The following TRPM3 variants were observed in gnomAD, a reference collection of about 807,000 sequenced individuals.
TRPM3 encodes the protein long transient receptor potential channel 3.
TRPM3 carries 77 observed loss-of-function variants against 181.2 expected under a neutral mutation model. That is an observed-to-expected ratio of 0.42 (90% CI 0.35 to 0.51). The LOEUF is 0.51. TRPM3 is among the 20% of genes least tolerant of loss of function. The probability of loss-of-function intolerance (pLI) is 0.01; values close to 1 mark genes in which losing one functional copy is unlikely to be tolerated. For missense variants in TRPM3, 1,759 were observed against 2,196.7 expected, an observed-to-expected ratio of 0.80 and a Z score of 3.98; for synonymous variants, 745 against 796.4, an observed-to-expected ratio of 0.94 and a Z score of 1.09.
At position 71,341,331 on chromosome 9, in the gene TRPM3, T is replaced by C. The variant is rs796552961; in HGVS notation, c.183+105322A>G. On this transcript the variant is annotated intron_variant, in intron 1 of 24. Transcript: ENST00000357533. ...TTACAACAGGAAAAAAGTAACTTCA[T>C]GGTGAGGAAATCTGGCAGATGCCAC... is the stretch of plus-strand genomic sequence containing the variant. Among the ~76,000 whole-genome samples the C allele has an allele frequency of 7.9e-4, 121 of 152,232 alleles. 1 individual carries two copies. The highest frequency in any genetic ancestry group is 2.9e-3 in the African/African-American group (119 of 41,550).
chr9:71,069,022 G>A (rs780897117), intron 1 of TRPM3, among the ~76,000 whole-genome samples: 4 of 152,174 alleles, frequency 2.6e-5, no homozygotes, highest in Non-Finnish European at 5.9e-5. Flanking sequence ...TTTCAGGGTA[G>A]TTGAAGATTT....
At chr9:71,296,030 G>GGT (rs1296651898) in intron 1 of TRPM3, among the ~76,000 whole-genome samples, 1 of 151,974 alleles carries the variant, frequency 6.6e-6, no homozygotes, top group Non-Finnish European at 1.5e-5. Context: ...AAGCCTTAGA[G>GGT]GTGTATAGGA....
chr9:71,392,970 A>G (rs1229197311), intron 1 of TRPM3, among the ~76,000 whole-genome samples: 1 of 152,176 alleles, frequency 6.6e-6, no homozygotes, highest in African/African-American at 2.4e-5. Flanking sequence ...GTAAACAAGA[A>G]ATCTAAGTCA....
chr9:71,287,888 T>C (rs760827056), intron 1 of TRPM3, among the ~76,000 whole-genome samples: 15 of 152,038 alleles, frequency 9.9e-5, no homozygotes, highest in Non-Finnish European at 2.2e-4. Context: ...AAAATTGAGG[T>C]AGCAATTCTT....
intron 1 of TRPM3, among the ~76,000 whole-genome samples, chr9:71,316,332 C>T (rs2132435005): frequency 6.6e-6 from 1 of 152,256 alleles, no homozygotes; most frequent in East Asian, 1.9e-4. Context: ...TACTCCCTAA[C>T]TGTTCTAGTA....
At chr9:71,431,870 T>C (rs1357378486) in intron 1 of TRPM3, among the ~76,000 whole-genome samples, 1 of 152,222 alleles carries the variant, frequency 6.6e-6, no homozygotes, top group East Asian at 1.9e-4. Context: ...CTGTCCAGGA[T>C]ATGAAACACC....
intron 1 of TRPM3, among the ~76,000 whole-genome samples, chr9:71,405,773 C>G (rs1396209696): frequency 6.6e-6 from 1 of 152,154 alleles, no homozygotes; most frequent in African/African-American, 2.4e-5. Context: ...CCAGGGCTTC[C>G]TCAAAGAGCA....
chr9:70,535,726 C>A lies in TRPM3; in HGVS notation c.*227G>T. ...CCCTCTCTTCCCCCTCCCTGCCCAG[C>A]AAGTGTGAACATGCCTTAAATCCCC... On this transcript the variant is annotated 3_prime_UTR_variant, in exon 26 of 26. Coordinates refer to ENST00000677713, the MANE Select transcript of TRPM3 (RefSeq NM_001366145.2). 6.9e-7 allele frequency: 1 copy of A among 1,439,354 alleles called. No homozygotes were observed. The highest frequency in any genetic ancestry group is 1.4e-5 in the African/African-American group (1 of 69,980). The allele number at this position is 1,439,354 out of a possible 1,614,324, so 89.2% of individuals were successfully genotyped here.
At chr9:71,357,836 T>C in intron 1 of TRPM3, among the ~76,000 whole-genome samples, 1 of 152,118 alleles carries the variant, frequency 6.6e-6, no homozygotes, top group East Asian at 1.9e-4. Flanking sequence ...TCCAAAGCTT[T>C]TCCTATGAAT....
intron 1 of TRPM3, among the ~76,000 whole-genome samples, chr9:71,351,553 ATCAT>A (rs907033072): frequency 6.6e-6 from 1 of 152,222 alleles, no homozygotes; most frequent in African/African-American, 2.4e-5. Flanking sequence ...GAATAAATAA[ATCAT>A]TGTCTTTTTA....
At chr9:71,168,609 A>T (rs1245387225) in intron 1 of TRPM3, among the ~76,000 whole-genome samples, 84 of 42,060 alleles carry the variant, frequency 2.0e-3, no homozygotes, top group Admixed American at 3.5e-3. Context: ...ATTTTTATTT[A>T]TTTTTTTATT....
At chr9:70,950,354 A>C (rs996988751) in intron 1 of TRPM3, among the ~76,000 whole-genome samples, 4 of 152,202 alleles carry the variant, frequency 2.6e-5, no homozygotes, top group Non-Finnish European at 5.9e-5. Context: ...TTATTTTTCA[A>C]GTGGCCATAA....
intron 1 of TRPM3, among the ~76,000 whole-genome samples, chr9:71,177,128 G>A: frequency 6.6e-6 from 1 of 152,100 alleles, no homozygotes; most frequent in East Asian, 1.9e-4. Flanking sequence ...GTGCATGCGA[G>A]GGATCTAGAT....
chr9:71,156,842 G>C (rs1296105353), intron 1 of TRPM3, among the ~76,000 whole-genome samples: 2 of 151,984 alleles, frequency 1.3e-5, no homozygotes, highest in Non-Finnish European at 2.9e-5. Flanking sequence ...TTCCAAATTG[G>C]TTTGCAAAGG....
intron 6 of TRPM3, among the ~76,000 whole-genome samples, chr9:70,790,462 C>T (rs954320639): frequency 6.6e-6 from 1 of 152,144 alleles, no homozygotes; most frequent in African/African-American, 2.4e-5. Flanking sequence ...TTAGCAATTC[C>T]TTGCCTTGCC....
At chr9:70,885,772 C>T (rs531582867) in intron 1 of TRPM3, among the ~76,000 whole-genome samples, 81 of 152,216 alleles carry the variant, frequency 5.3e-4, no homozygotes, top group African/African-American at 2.0e-3. Context: ...TTTACTTCTG[C>T]TTTTGTCTAG....
At chr9:71,223,453 C>A (rs1026965964) in intron 1 of TRPM3, among the ~76,000 whole-genome samples, 1 of 152,210 alleles carries the variant, frequency 6.6e-6, no homozygotes, top group Non-Finnish European at 1.5e-5. Flanking sequence ...GATGTGTTGG[C>A]TTTAGGTGTG....
chr9:70,954,364 G>A (rs575620607), intron 1 of TRPM3, among the ~76,000 whole-genome samples: 1 of 152,276 alleles, frequency 6.6e-6, no homozygotes, highest in South Asian at 2.1e-4. Flanking sequence ...CTTGGATTAA[G>A]TATGTAGAGG....
intron 3 of TRPM3, among the ~76,000 whole-genome samples, chr9:70,861,583 C>A (rs1464535253): frequency 1.3e-5 from 2 of 152,182 alleles, no homozygotes; most frequent in African/African-American, 4.8e-5. Context: ...ACTCGCATGA[C>A]TTTTAACACG....
Sources: gnomAD v4.1 joint callset for allele counts (sites outside exome capture counted in the v4.1 genomes callset) on GRCh38, gnomAD v4.1.1 for gene constraint, MANE v1.5 for transcripts, NCBI Gene and HGNC (gene_info 2026-07-23, HGNC 2026-07-21) for gene names.